ADCY8: variants seen among roughly 807,000 people sequenced by gnomAD.
ADCY8 encodes adenylate cyclase 8, also known as adenylate cyclase type 8.
In ADCY8, 51 loss-of-function variants were observed where a neutral mutation model predicts 119.7. The observed-to-expected ratio is 0.43, with a 90% confidence interval of 0.34 to 0.54. The LOEUF is 0.54. Ranked by LOEUF, ADCY8 falls within the 20% of genes least tolerant of loss-of-function variation. The pLI is 0.03. For synonymous variants in ADCY8, 665 were observed against 651.0 expected, an observed-to-expected ratio of 1.02 and a Z score of -0.33; for missense variants, 1,383 against 1,598.8, an observed-to-expected ratio of 0.87 and a Z score of 2.30.
chr8:130,822,745 G>A (rs191532286), intron 12 of ADCY8, among the ~76,000 whole-genome samples: 5 of 152,310 alleles, frequency 3.3e-5, no homozygotes, highest in African/African-American at 1.2e-4. Flanking sequence ...GTTTGGACTC[G>A]TGAAGATCCA....
intron 14 of ADCY8, among the ~76,000 whole-genome samples, chr8:130,813,604 A>G (rs1563675332): frequency 6.6e-6 from 1 of 152,194 alleles, no homozygotes; most frequent in Non-Finnish European, 1.5e-5. Context: ...CACTTTATGT[A>G]TATATCACAT....
At chr8:130,800,055 C>T (rs1018582791) in intron 15 of ADCY8, among the ~76,000 whole-genome samples, 1 of 152,186 alleles carries the variant, frequency 6.6e-6, no homozygotes, top group African/African-American at 2.4e-5. Flanking sequence ...TTATCTTTGA[C>T]ACTTTGAGAA....
chr8:130,984,171 G>A (rs537499906), intron 2 of ADCY8, among the ~76,000 whole-genome samples: 1 of 152,132 alleles, frequency 6.6e-6, no homozygotes, highest in African/African-American at 2.4e-5. Flanking sequence ...GAGACTGCAT[G>A]AGTGGGCTCT....
intron 14 of ADCY8, among the ~76,000 whole-genome samples, chr8:130,812,069 A>G (rs1445299053): frequency 6.6e-6 from 1 of 152,018 alleles, no homozygotes; most frequent in East Asian, 1.9e-4. Flanking sequence ...GGTGTCTGTA[A>G]TTCATCTTCT....
Position 130,890,909 on chromosome 8 carries a change from G to A in ADCY8, c.1912-6148C>T, listed in dbSNP as rs182858462. On this transcript the variant is annotated intron_variant, in intron 7 of 17. Coordinates refer to ENST00000286355, the MANE Select transcript of ADCY8 (RefSeq NM_001115.3). ...CTTTAGATTTAGCTATAGTAGTTGT[G>A]ACTGAGGTCTCACAGTGTGGGCCAA... Among the ~76,000 whole-genome samples the A allele has an allele frequency of 3.3e-3, 506 of 152,264 alleles. 2 individuals are homozygous for A. The highest frequency in any genetic ancestry group is 3.6e-3 in the Non-Finnish European group (243 of 68,010).
chr8:130,940,272 C>A (rs751512192), intron 4 of ADCY8, among the ~76,000 whole-genome samples: 15 of 152,110 alleles, frequency 9.9e-5, no homozygotes, highest in Non-Finnish European at 2.2e-4. Context: ...GGCAAAACTG[C>A]AGGAATTATG....
chr8:130,840,952 C>T (rs931216396), intron 11 of ADCY8, among the ~76,000 whole-genome samples: 6 of 151,828 alleles, frequency 4.0e-5, no homozygotes, highest in South Asian at 2.1e-4. Context: ...CAGTTTTTAC[C>T]GTTAAAAAAA....
At chr8:130,944,312 A>G (rs775141309) in intron 3 of ADCY8, among the ~76,000 whole-genome samples, 10 of 152,234 alleles carry the variant, frequency 6.6e-5, no homozygotes, top group Non-Finnish European at 1.5e-4. Context: ...ATGTCATCTC[A>G]GGGACCTCTG....
At chr8:130,881,336 G>A (rs375003295) in intron 8 of ADCY8, among the ~76,000 whole-genome samples, 63 of 152,240 alleles carry the variant, frequency 4.1e-4, no homozygotes, top group African/African-American at 1.4e-3. Context: ...ATAGGCAAAC[G>A]TGACCAGGGA....
intron 5 of ADCY8, among the ~76,000 whole-genome samples, chr8:130,925,564 C>G (rs1007200826): frequency 6.6e-6 from 1 of 152,108 alleles, no homozygotes; most frequent in African/African-American, 2.4e-5. Context: ...CAAGGGCCCC[C>G]CAACCCATCC....
At chr8:130,819,364 T>C (rs1312769110) in intron 13 of ADCY8, among the ~76,000 whole-genome samples, 1 of 152,230 alleles carries the variant, frequency 6.6e-6, no homozygotes, top group Non-Finnish European at 1.5e-5. Context: ...ACCCGTACTT[T>C]ACCTATAATC....
At chr8:131,035,091 GATAA>G (rs1824108936) in intron 1 of ADCY8, among the ~76,000 whole-genome samples, 1 of 152,084 alleles carries the variant, frequency 6.6e-6, no homozygotes, top group African/African-American at 2.4e-5. Context: ...TTTCCTGGTG[GATAA>G]ATCGAATTGG....
At chr8:130,913,444 T>G (rs1015802650) in intron 5 of ADCY8, among the ~76,000 whole-genome samples, 3 of 152,092 alleles carry the variant, frequency 2.0e-5, no homozygotes, top group African/African-American at 4.8e-5. Context: ...ACATGTGATG[T>G]TTGTCTGGAT....
rs761951944 is a variant in ADCY8, at chr8:130,877,835, T to C, written c.2109+6729A>G. 3.3e-4 allele frequency among the ~76,000 whole-genome samples: 50 copies of C among 152,134 alleles called. No homozygotes were observed. The Middle Eastern group carries it at 0.01, about 31-fold the overall frequency. On this transcript the variant is annotated intron_variant, in intron 8 of 17. Transcript: ENST00000286355. The stretch of plus-strand genomic sequence containing the variant: ...CTTGTGCTCCAGTGATCCTGGGAGA[T>C]TGTTGGAAGCACCTCTTCCAATGAG...
intron 2 of ADCY8, among the ~76,000 whole-genome samples, chr8:130,955,037 A>G (rs1821384834): frequency 6.6e-6 from 1 of 152,216 alleles, no homozygotes; most frequent in Non-Finnish European, 1.5e-5. Flanking sequence ...TTTATTGAGA[A>G]CATACTACAT....
chr8:130,799,062 C>A (rs1271333785), intron 15 of ADCY8, among the ~76,000 whole-genome samples: 4 of 152,042 alleles, frequency 2.6e-5, no homozygotes, highest in East Asian at 1.9e-4. Flanking sequence ...TATGACATCA[C>A]TTATACGTGG....
chr8:131,034,545 A>G (rs1334461125), intron 1 of ADCY8, among the ~76,000 whole-genome samples: 2 of 152,166 alleles, frequency 1.3e-5, no homozygotes, highest in Non-Finnish European at 2.9e-5. Context: ...ATCATTCTTT[A>G]GCATTTTTCT....
intron 8 of ADCY8, among the ~76,000 whole-genome samples, chr8:130,876,672 A>G (rs796670211): frequency 1.9e-4 from 28 of 151,106 alleles, no homozygotes; most frequent in African/African-American, 6.9e-4. Flanking sequence ...GTGCCTATGT[A>G]TGTGTACATG....
intron 8 of ADCY8, among the ~76,000 whole-genome samples, chr8:130,874,855 G>GC (rs997083420): frequency 1.3e-5 from 2 of 151,862 alleles, no homozygotes; most frequent in African/African-American, 4.8e-5. Context: ...CACTGGTCCA[G>GC]CCCCCCACCC....
Sources: allele counts gnomAD v4.1 joint callset (sites outside exome capture counted in the v4.1 genomes callset), GRCh38; gene constraint gnomAD v4.1.1; transcripts MANE v1.5; gene names NCBI Gene and HGNC (gene_info 2026-07-23, HGNC 2026-07-21).